Variants in TAF4B observed in about 807,000 individuals in gnomAD.
TAF4B encodes the protein transcription initiation factor TFIID subunit 4B.
Under a neutral mutation model 86.4 loss-of-function variants are expected in TAF4B, and 38 were observed. That is an observed-to-expected ratio of 0.44 (90% CI 0.34 to 0.58). TAF4B has a LOEUF of 0.58. TAF4B is among the 20% of genes least tolerant of loss of function. The pLI is 0.02. For synonymous variants in TAF4B, 388 were observed against 391.2 expected (o/e 0.99, Z 0.10); for missense variants, 988 against 1,027.6 (o/e 0.96, Z 0.53).
At chr18:26,303,044 T>TCCTCCACTTTCATACCC (rs1330504539) in intron 9 of TAF4B, among the ~76,000 whole-genome samples, 7,580 of 142,296 alleles carry the variant, frequency 0.053, 3,190 homozygotes, top group East Asian at 0.12. Context: ...TTCCTTTTCT[T>TCCTCCACTTTCATACCC]CCTCCACTTT....
chr18:26,239,462 A>G (rs1239117075), intron 1 of TAF4B, among the ~76,000 whole-genome samples: 2 of 151,882 alleles, frequency 1.3e-5, no homozygotes, highest in African/African-American at 4.8e-5. Flanking sequence ...AATTTGTTTG[A>G]GTTCTCTGTA....
chr18:26,287,987 C>T (rs1396275782), intron 7 of TAF4B, among the ~76,000 whole-genome samples: 2 of 152,092 alleles, frequency 1.3e-5, no homozygotes, highest in South Asian at 2.1e-4. Context: ...CTCTTGGGTA[C>T]GTGAATTTAA....
chr18:26,346,785 A>G lies in TAF4B; in HGVS notation c.2317-10905A>G, dbSNP rs59426057. 3.9e-3 allele frequency among the ~76,000 whole-genome samples: 83 copies of G among 21,416 alleles called. 7 individuals carry two copies. Among genetic ancestry groups the G allele is most frequent in the African/African-American group, 8.4e-3 (77 of 9,158 alleles). 14.0% of individuals were successfully genotyped at this position (21,416 alleles called of 152,430 possible). A position where few individuals can be genotyped will look rare whatever the true frequency, so the allele number is the denominator to read the frequency against. The stretch of plus-strand genomic sequence containing the variant: ...TATATATATATATATGTGTGTGTAT[A>G]TATATATATATATGTGTATATATAT... On this transcript the variant is annotated intron_variant, in intron 13 of 14. Coordinates refer to ENST00000269142, the MANE Select transcript of TAF4B (RefSeq NM_005640.3).
chr18:26,343,187 T>C (rs751093446), intron 13 of TAF4B, among the ~76,000 whole-genome samples: 9 of 152,148 alleles, frequency 5.9e-5, no homozygotes, highest in Non-Finnish European at 1.2e-4. Flanking sequence ...ATTCTAGACC[T>C]GGATGCAATC....
intron 3 of TAF4B, among the ~76,000 whole-genome samples, chr18:26,267,980 A>G (rs773713496): frequency 1.3e-5 from 2 of 152,234 alleles, no homozygotes; most frequent in Non-Finnish European, 2.9e-5. Context: ...TGCAGGCCCA[A>G]TAAAGCCTTA....
intron 11 of TAF4B, among the ~76,000 whole-genome samples, chr18:26,326,067 C>A (rs1231187476): frequency 6.6e-6 from 1 of 152,108 alleles, no homozygotes; most frequent in Non-Finnish European, 1.5e-5. Flanking sequence ...TAAAGACATT[C>A]GGTTTTTCTA....
intron 14 of TAF4B, among the ~76,000 whole-genome samples, chr18:26,368,242 T>A (rs2057384163): frequency 6.6e-6 from 1 of 152,224 alleles, no homozygotes; most frequent in Non-Finnish European, 1.5e-5. Flanking sequence ...TAAGTAGGTG[T>A]CATTTTCTTT....
chr18:26,283,015 T>A (rs2056468739), intron 6 of TAF4B, among the ~76,000 whole-genome samples: 1 of 152,224 alleles, frequency 6.6e-6, no homozygotes, highest in South Asian at 2.1e-4. Flanking sequence ...TCTTGCTATT[T>A]CTAGCATATC....
chr18:26,383,056 GA>G (rs2144390684), intron 14 of TAF4B, among the ~76,000 whole-genome samples: 1 of 152,202 alleles, frequency 6.6e-6, no homozygotes, highest in South Asian at 2.1e-4. Flanking sequence ...TATCAAAAAG[GA>G]AAAATATTTT....
intron 9 of TAF4B, among the ~76,000 whole-genome samples, chr18:26,293,957 G>C (rs2056629773): frequency 6.6e-6 from 1 of 152,100 alleles, no homozygotes; most frequent in Non-Finnish European, 1.5e-5. Flanking sequence ...GAGCATCTGT[G>C]TCATTTGGAA....
At chr18:26,233,282 G>A (rs992406867) in intron 1 of TAF4B, among the ~76,000 whole-genome samples, 1 of 152,136 alleles carries the variant, frequency 6.6e-6, no homozygotes, top group Non-Finnish European at 1.5e-5. Flanking sequence ...AAACCGTTTT[G>A]TATCTACTAG....
intron 9 of TAF4B, 39 bp from the exon 10 acceptor site, chr18:26,315,190 C>CAA: frequency 1.4e-6 from 2 of 1,395,186 alleles, no homozygotes; most frequent in Non-Finnish European, 9.6e-7. Flanking sequence ...CACACACACA[C>CAA]ACAACCTAAA....
Position 26,267,606 on chromosome 18 carries a change from A to G in TAF4B, c.580A>G (p.Lys194Glu). The G allele has an allele frequency of 1.2e-6, 2 of 1,613,634 alleles. No individual in the cohort carries two copies. The highest frequency in any genetic ancestry group is 1.7e-6 in the Non-Finnish European group (2 of 1,179,548). The part of the protein sequence containing the change: ...IGTTVVTTVP[K>E]PSSVQSVAVP... ...AACTACTGTGGTAACCACTGTTCCGAAGCCTTCCTCAGTACAAGTAAGTTG... is the reference window on the plus strand; with the variant it reads ...AACTACTGTGGTAACCACTGTTCCGGAGCCTTCCTCAGTACAAGTAAGTTG... Residue 194 changes from lysine (K) to glutamate (E), a missense_variant, in exon 3 of 15, where the codon AAG becomes GAG. Physicochemically the swap from Lys to Glu is moderately conservative, Grantham distance 56. Transcript: ENST00000269142.
chr18:26,357,511 A>C (rs1320276699), intron 13 of TAF4B, among the ~76,000 whole-genome samples, 179 bp from the exon 14 acceptor site: 1 of 152,206 alleles, frequency 6.6e-6, no homozygotes, highest in Non-Finnish European at 1.5e-5. Flanking sequence ...TTAAGAACTA[A>C]AGAGTTTGTT....
intron 13 of TAF4B, among the ~76,000 whole-genome samples, chr18:26,341,559 A>G (rs2057136267): frequency 6.6e-6 from 1 of 152,186 alleles, no homozygotes; most frequent in Non-Finnish European, 1.5e-5. Flanking sequence ...ATTATGAGGA[A>G]TATACCATTT....
At chr18:26,341,788 G>A (rs1003431840) in intron 13 of TAF4B, among the ~76,000 whole-genome samples, 14 of 152,058 alleles carry the variant, frequency 9.2e-5, no homozygotes, top group South Asian at 6.2e-4. Context: ...CTTGTATTTC[G>A]GTTGTGGTAT....
intron 9 of TAF4B, among the ~76,000 whole-genome samples, chr18:26,301,528 G>A (rs1415380221): frequency 1.3e-5 from 2 of 151,940 alleles, no homozygotes; most frequent in Admixed American, 1.3e-4. Flanking sequence ...TCCAGGCCTC[G>A]AGTGATCCTC....
chr18:26,357,852 A>G (rs1013828449), intron 14 of TAF4B, 58 bp downstream of exon 14: 2 of 1,340,380 alleles, frequency 1.5e-6, no homozygotes, highest in Non-Finnish European at 2.1e-6. Flanking sequence ...GCCAAAAAGA[A>G]GCAAAGACTT....
chr18:26,329,244 A>G (rs555180986), intron 12 of TAF4B, among the ~76,000 whole-genome samples: 3 of 152,142 alleles, frequency 2.0e-5, no homozygotes, highest in African/African-American at 7.2e-5. Flanking sequence ...TTTTGTAGAG[A>G]CAGGATCTCC....
Sources: gnomAD v4.1 joint callset for allele counts (sites outside exome capture counted in the v4.1 genomes callset) on GRCh38, gnomAD v4.1.1 for gene constraint, MANE v1.5 for transcripts, NCBI Gene and HGNC (gene_info 2026-07-23, HGNC 2026-07-21) for gene names.